Variants in RAB3IP observed in about 807,000 individuals in gnomAD.
RAB3IP encodes the protein RAB3A interacting protein.
Under a neutral mutation model 59.1 loss-of-function variants are expected in RAB3IP, and 36 were observed. The observed-to-expected ratio is 0.61, with a 90% CI of 0.47 to 0.80. The LOEUF (loss-of-function observed/expected upper bound fraction) is 0.80. Ranked by LOEUF, RAB3IP falls within the 30% of genes least tolerant of loss-of-function variation. The pLI, the probability that RAB3IP is intolerant of heterozygous loss-of-function variation, is 0.00. For missense variants in RAB3IP, 511 were observed against 536.0 expected, an observed-to-expected ratio of 0.95 and a Z score of 0.46; for synonymous variants, 207 against 191.2, an observed-to-expected ratio of 1.08 and a Z score of -0.68.
At chr12:69,782,448 C>T (rs1041822230) in intron 3 of RAB3IP, among the ~76,000 whole-genome samples, 7 of 152,232 alleles carry the variant, frequency 4.6e-5, no homozygotes, top group African/African-American at 1.7e-4. Flanking sequence ...CAGGCATGAG[C>T]CACTGCACCC....
Position 69,817,252 on chromosome 12 carries a change from A to G in RAB3IP, c.*1806A>G, listed in dbSNP as rs567827329. Reference sequence around the variant, plus strand: ...ATTAATAATAAATCTTTAGTAATCTATAAGGGGAAGAATGCTTTTCAACCT... The same window carrying G: ...ATTAATAATAAATCTTTAGTAATCTGTAAGGGGAAGAATGCTTTTCAACCT... On this transcript the variant is annotated 3_prime_UTR_variant, in exon 11 of 11. Coordinates refer to ENST00000247833, the MANE Select transcript of RAB3IP (RefSeq NM_022456.5). 4.7e-4 allele frequency: 71 copies of G among 152,316 alleles called. No individual in the cohort carries two copies. The highest frequency in any genetic ancestry group is 1.7e-3 in the African/African-American group (69 of 41,564). The allele number at this position is 152,316 out of a possible 1,614,324, so 9.4% of individuals were successfully genotyped here.
chr12:69,799,305 G>C (rs1878009283), intron 6 of RAB3IP, among the ~76,000 whole-genome samples: 1 of 152,214 alleles, frequency 6.6e-6, no homozygotes, highest in Non-Finnish European at 1.5e-5. Context: ...CTCTGGAGAA[G>C]AGCAGCTTAG....
In RAB3IP at chr12:69,749,009, A is replaced by G. The variant is rs534028660; in HGVS notation, c.-25-6375A>G. On this transcript the variant is annotated intron_variant, in intron 1 of 10. Transcript: ENST00000247833. ...TAGACAGTATTTAAATGTATCCCCCAGAAGGGAAACATTGTAGGTTAGAAG... is the reference window on the plus strand; with the variant it reads ...TAGACAGTATTTAAATGTATCCCCCGGAAGGGAAACATTGTAGGTTAGAAG... Among the ~76,000 whole-genome samples the G allele has an allele frequency of 3.3e-5, 5 of 152,344 alleles. No individual in the cohort carries two copies. The South Asian group carries it at 1.0e-3, about 32-fold the overall frequency.
chr12:69,801,742 A>G, intron 8 of RAB3IP, 21 bp downstream of exon 8: 1 of 1,421,732 alleles, frequency 7.0e-7, no homozygotes, highest in Non-Finnish European at 9.9e-7. Context: ...ACGTGCATGA[A>G]CTGTGAAAGT....
chr12:69,806,412 G>A (rs1036857161), intron 8 of RAB3IP, among the ~76,000 whole-genome samples: 20 of 151,656 alleles, frequency 1.3e-4, no homozygotes, highest in African/African-American at 2.4e-4. Context: ...TCTTGCTAGC[G>A]GTCTATCAGT....
Position 69,809,268 on chromosome 12 carries a change from A to C in RAB3IP, c.1131-3510A>C, listed in dbSNP as rs1344881229. ...CTTCTAGAGTTTCTGCCGAGAGATC[A>C]GCTGTTAGTCTGATGGGCTTCCCTT... On this transcript the variant is annotated intron_variant, in intron 8 of 10. Transcript: ENST00000247833. 1.3e-4 allele frequency among the ~76,000 whole-genome samples: 20 copies of C among 152,208 alleles called. 1 individual carries two copies. Among genetic ancestry groups the C allele is most frequent in the East Asian group, 3.9e-4 (2 of 5,188 alleles).
intron 5 of RAB3IP, 25 bp downstream of exon 5, chr12:69,794,539 TATAAA>T: frequency 6.4e-7 from 1 of 1,564,140 alleles, no homozygotes; most frequent in Non-Finnish European, 8.7e-7. Context: ...CTCTTAATAG[TATAAA>T]ATAAATTTGT....
intron 1 of RAB3IP, among the ~76,000 whole-genome samples, chr12:69,742,895 G>A (rs565744301): frequency 1.5e-4 from 23 of 152,250 alleles, no homozygotes; most frequent in African/African-American, 5.3e-4. Flanking sequence ...TTAGAATATA[G>A]GGCAACACGA....
At chr12:69,748,467 T>C (rs1428471714) in intron 1 of RAB3IP, among the ~76,000 whole-genome samples, 1 of 152,248 alleles carries the variant, frequency 6.6e-6, no homozygotes, top group East Asian at 1.9e-4. Context: ...TCAGTAAAGA[T>C]TGGCTGTTGT....
intron 6 of RAB3IP, among the ~76,000 whole-genome samples, chr12:69,798,235 ATC>A (rs1196970385): frequency 6.6e-6 from 1 of 152,132 alleles, no homozygotes; most frequent in Admixed American, 6.5e-5. Flanking sequence ...GTGAGATGGT[ATC>A]TCATTGTGGT....
At position 69,739,709 on chromosome 12, in the gene RAB3IP, C is replaced by G; in HGVS notation, c.-26+678C>G. 3 of 834,196 alleles carry G rather than the reference C, an allele frequency of 3.6e-6. 1 individual carries two copies. The South Asian group carries it at 4.7e-5, about 13-fold the overall frequency. The allele number at this position is 834,196 out of a possible 1,614,324, so 51.7% of individuals were successfully genotyped here. A position where few individuals can be genotyped will look rare whatever the true frequency, so the allele number is the denominator to read the frequency against. On this transcript the variant is annotated intron_variant, in intron 1 of 10. Coordinates refer to ENST00000247833, the MANE Select transcript of RAB3IP (RefSeq NM_022456.5). Reference sequence around the variant, plus strand: ...TTGTGTTCGGGGGAGTTGAGACGAACTGCACGGGTGGGATTGCATGGCTCT... The same window carrying G: ...TTGTGTTCGGGGGAGTTGAGACGAAGTGCACGGGTGGGATTGCATGGCTCT...
intron 3 of RAB3IP, among the ~76,000 whole-genome samples, chr12:69,769,341 CT>C (rs1343416642): frequency 2.6e-5 from 4 of 152,204 alleles, no homozygotes; most frequent in Non-Finnish European, 5.9e-5. Context: ...CTCCAAGCCT[CT>C]CTCCAAGTTA....
At chr12:69,804,568 T>C (rs1432981756) in intron 8 of RAB3IP, among the ~76,000 whole-genome samples, 11 of 152,012 alleles carry the variant, frequency 7.2e-5, no homozygotes, top group African/African-American at 1.7e-4. Context: ...GAAGTCCTTG[T>C]CCATGCCTAT....
intron 4 of RAB3IP, among the ~76,000 whole-genome samples, chr12:69,791,128 G>T (rs1206045697): frequency 6.6e-6 from 1 of 152,060 alleles, no homozygotes. Context: ...TGAGAAAATT[G>T]GATATCCACA....
intron 8 of RAB3IP, among the ~76,000 whole-genome samples, chr12:69,808,334 G>GT (rs1879812779): frequency 6.6e-6 from 1 of 152,192 alleles, no homozygotes; most frequent in Non-Finnish European, 1.5e-5. Flanking sequence ...TTTGGAATAG[G>GT]TGTGGTGTGG....
At chr12:69,748,427 A>G (rs1489870052) in intron 1 of RAB3IP, among the ~76,000 whole-genome samples, 1 of 152,246 alleles carries the variant, frequency 6.6e-6, no homozygotes, top group East Asian at 1.9e-4. Flanking sequence ...TGAAATTCTT[A>G]GCACCACTAT....
intron 8 of RAB3IP, among the ~76,000 whole-genome samples, chr12:69,802,538 T>C (rs1207184953): frequency 1.3e-5 from 2 of 152,200 alleles, no homozygotes; most frequent in African/African-American, 4.8e-5. Flanking sequence ...GGCATAATTG[T>C]GTCTTGGCTT....
chr12:69,769,096 C>T (rs1376291087), intron 3 of RAB3IP, among the ~76,000 whole-genome samples: 5 of 152,054 alleles, frequency 3.3e-5, no homozygotes, highest in Non-Finnish European at 7.4e-5. Context: ...TGTTGTCTGC[C>T]ACCATGTTAG....
intron 4 of RAB3IP, among the ~76,000 whole-genome samples, chr12:69,794,216 T>G (rs113810485): frequency 1.3e-5 from 2 of 152,320 alleles, no homozygotes; most frequent in African/African-American, 4.8e-5. Context: ...GATCTCAACT[T>G]GGCTGCCTCA....
Sources: allele counts gnomAD v4.1 joint callset (sites outside exome capture counted in the v4.1 genomes callset), GRCh38; gene constraint gnomAD v4.1.1; transcripts MANE v1.5; gene names NCBI Gene and HGNC (gene_info 2026-07-23, HGNC 2026-07-21).